Variants in QTRT2 observed in about 807,000 individuals in gnomAD.
QTRT2 encodes the protein queuine tRNA-ribosyltransferase accessory subunit 2, also known as queuine tRNA-ribosyltransferase domain containing 1.
A neutral mutation model predicts 44.8 loss-of-function variants in QTRT2; 32 were observed. The ratio of observed to expected loss-of-function variants is 0.71; its 90% confidence interval spans 0.54 to 0.96. The LOEUF is 0.96. Among genes scored for constraint, QTRT2 ranks in the 40% least tolerant of loss-of-function variants. The pLI, the probability that QTRT2 is intolerant of heterozygous loss-of-function variation, is 0.00. For missense variants in QTRT2, 461 were observed against 503.1 expected, an observed-to-expected ratio of 0.92 and a Z score of 0.80; for synonymous variants, 182 against 187.4, an observed-to-expected ratio of 0.97 and a Z score of 0.24.
At chr3:114,059,737 A>G (rs997955651) in intron 2 of QTRT2, among the ~76,000 whole-genome samples, 1 of 152,188 alleles carries the variant, frequency 6.6e-6, no homozygotes, top group African/African-American at 2.4e-5. Context: ...TTATTTTAAT[A>G]CTTTTTCTTA....
intron 9 of QTRT2, among the ~76,000 whole-genome samples, chr3:114,083,268 T>TTTGTTG (rs944027128): frequency 2.0e-5 from 3 of 150,556 alleles, no homozygotes; most frequent in African/African-American, 4.9e-5. Flanking sequence ...ATTTCTTTTC[T>TTTGTTG]TTGTTGTTGT....
intron 9 of QTRT2, among the ~76,000 whole-genome samples, chr3:114,085,054 C>T (rs1413124141): frequency 6.6e-6 from 1 of 152,156 alleles, no homozygotes; most frequent in Non-Finnish European, 1.5e-5. Context: ...TGTTTCCTAA[C>T]ATTATGTGCT....
intron 2 of QTRT2, 164 bp downstream of exon 2, chr3:114,057,270 C>T: frequency 5.3e-6 from 1 of 187,432 alleles, no homozygotes; most frequent in Non-Finnish European, 1.1e-5. Context: ...CCAGAGACAG[C>T]CCATTTAGGG....
intron 5 of QTRT2, among the ~76,000 whole-genome samples, chr3:114,069,924 C>G (rs1281809981): frequency 6.6e-6 from 1 of 152,048 alleles, no homozygotes; most frequent in Admixed American, 6.6e-5. Flanking sequence ...CTAGACTGTG[C>G]TTTTGGGATA....
At chr3:114,063,955 T>G (rs183662893) in intron 2 of QTRT2, among the ~76,000 whole-genome samples, 1 of 152,248 alleles carries the variant, frequency 6.6e-6, no homozygotes, top group Admixed American at 6.5e-5. Context: ...TGGCTCATGC[T>G]TGTTACCTCA....
chr3:114,058,876 CCA>C (rs2107781521), intron 2 of QTRT2, among the ~76,000 whole-genome samples: 1 of 152,290 alleles, frequency 6.6e-6, no homozygotes, highest in East Asian at 1.9e-4. Flanking sequence ...GCTCAATGCA[CCA>C]CATTGTTTAA....
chr3:114,063,477 G>GC lies in QTRT2; in HGVS notation c.-21-1760_-21-1759insC, dbSNP rs528231630. Among the ~76,000 whole-genome samples, 361 of 152,164 alleles carry GC rather than the reference G, an allele frequency of 2.4e-3. 3 individuals carry two copies. Among genetic ancestry groups the GC allele is most frequent in the African/African-American group, 8.2e-3 (340 of 41,554 alleles). The stretch of plus-strand genomic sequence containing the variant: ...GTTTTAATGTGTAACAATAGGGTAT[G>GC]TAAAAAAATAGCTTTTATACTATTT... On this transcript the variant is annotated intron_variant, in intron 2 of 9. Transcript: ENST00000281273.
At position 114,068,055 on chromosome 3, in the gene QTRT2, A is replaced by G; in HGVS notation, c.325A>G (p.Thr109Ala). ...CAGCCCCTGCCCGGCTGGTTATGTAACAAACAAGGTGTGTTTTCAGAAGGG... is the reference window on the plus strand; with the variant it reads ...CAGCCCCTGCCCGGCTGGTTATGTAGCAAACAAGGTGTGTTTTCAGAAGGG... ...PVSPCPAGYV[T>A]NKSVSVWSVA... Residue 109 changes from threonine to alanine, a missense_variant, in exon 5 of 10, where the codon ACA becomes GCA. Thr to Ala is a moderately conservative substitution (Grantham distance 58, BLOSUM62 0). Transcript: ENST00000281273. The G allele has an allele frequency of 1.2e-6, 2 of 1,613,748 alleles. No homozygotes were observed.
At chr3:114,083,013 G>A (rs1481728626) in intron 9 of QTRT2, 2 of 512,214 alleles carry the variant, frequency 3.9e-6, no homozygotes, top group African/African-American at 1.9e-5. Context: ...GGTAATGATT[G>A]CTTTAGAAAA....
chr3:114,058,461 CT>C (rs2076838314), intron 2 of QTRT2, among the ~76,000 whole-genome samples: 2 of 152,348 alleles, frequency 1.3e-5, no homozygotes, highest in South Asian at 4.1e-4. Flanking sequence ...CTCTTTCCCC[CT>C]ACCAAATGGT....
At chr3:114,061,230 C>T (rs920295964) in intron 2 of QTRT2, among the ~76,000 whole-genome samples, 2 of 152,110 alleles carry the variant, frequency 1.3e-5, no homozygotes, top group African/African-American at 4.8e-5. Context: ...GTATTGCATT[C>T]TATAGGGCAA....
chr3:114,057,202 TGGAGATGG>T, intron 2 of QTRT2, 96 bp downstream of exon 2: 1 of 435,608 alleles, frequency 2.3e-6, no homozygotes, highest in Non-Finnish European at 3.5e-6. Flanking sequence ...TCTGGGGCCA[TGGAGATGG>T]CCCATGGAGC....
chr3:114,082,779 A>G lies in QTRT2; in HGVS notation c.1001A>G (p.Asn334Ser). The change falls in exon 9 of 10, where the codon AAT (asparagine) becomes AGT (serine). Residue 334 changes from asparagine to serine, a missense_variant. Asn to Ser is a conservative substitution (Grantham distance 46). Transcript: ENST00000281273. ...CNQEITSFEI[N>S]LKEKKYQEDF... ...CAAGAAATAACATCATTTGAAATTA[A>G]TCTGAAGGAAAAAAAGTAAGAAATT... The G allele has an allele frequency of 7.0e-7, 1 of 1,435,030 alleles. No homozygotes were observed. The highest frequency in any genetic ancestry group is 9.6e-7 in the Non-Finnish European group (1 of 1,042,884). 88.9% of individuals were successfully genotyped at this position (1,435,030 alleles called of 1,614,324 possible).
chr3:114,087,604 T>C lies in QTRT2; in HGVS notation c.*1700T>C, dbSNP rs1187067915. Reference sequence around the variant, plus strand: ...CGTATGAGCCAGGATGGTCTCGATCTCCTGACCTCATGATCCACAAGACTG... The same window carrying C: ...CGTATGAGCCAGGATGGTCTCGATCCCCTGACCTCATGATCCACAAGACTG... On this transcript the variant is annotated 3_prime_UTR_variant, in exon 10 of 10. Coordinates refer to ENST00000281273, the MANE Select transcript of QTRT2 (RefSeq NM_024638.4). The C allele has an allele frequency of 2.0e-5, 3 of 152,306 alleles. No individual in the cohort carries two copies. Among genetic ancestry groups the C allele is most frequent in the African/African-American group, 7.2e-5 (3 of 41,440 alleles). 9.4% of individuals were successfully genotyped at this position (152,306 alleles called of 1,614,324 possible). A position where few individuals can be genotyped will look rare whatever the true frequency, so the allele number is the denominator to read the frequency against.
rs2076795020 is a variant in QTRT2 at position 114,056,771 on chromosome 3, G to C, written c.-223G>C. The C allele has an allele frequency of 6.7e-7, 1 of 1,499,472 alleles. No individual in the cohort carries two copies. Among genetic ancestry groups the C allele is most frequent in the African/African-American group, 1.4e-5 (1 of 72,278 alleles). 92.9% of individuals were successfully genotyped at this position (1,499,472 alleles called of 1,614,324 possible). On this transcript the variant is annotated 5_prime_UTR_variant, in exon 1 of 10. Coordinates refer to ENST00000281273, the MANE Select transcript of QTRT2 (RefSeq NM_024638.4). ...TGATTGGCTCTGCACTGGAGGCAGT[G>C]ATTTTGGGGCAGAGAATTTTGCAAC...
chr3:114,077,904 G>A (rs942467476), intron 7 of QTRT2: 2 of 151,944 alleles, frequency 1.3e-5, no homozygotes, highest in Middle Eastern at 3.4e-3. Context: ...GTGGAGACGG[G>A]GTTTCTCCTT....
At chr3:114,074,717 G>A (rs888624957) in intron 6 of QTRT2, among the ~76,000 whole-genome samples, 50 of 152,056 alleles carry the variant, frequency 3.3e-4, no homozygotes, top group African/African-American at 1.1e-3. Context: ...GTTGATTTGT[G>A]TATTTTCTTG....
intron 5 of QTRT2, among the ~76,000 whole-genome samples, chr3:114,069,044 ACT>A (rs772955970): frequency 1.5e-4 from 22 of 147,324 alleles, no homozygotes; most frequent in Non-Finnish European, 2.4e-4. Context: ...ATAGAGCGAG[ACT>A]CTGTCTCAAA....
chr3:114,063,259 A>G (rs369614726), intron 2 of QTRT2, among the ~76,000 whole-genome samples: 4 of 152,226 alleles, frequency 2.6e-5, no homozygotes, highest in African/African-American at 7.2e-5. Context: ...TACTTAGATT[A>G]CAAAAGTCTG....
Sources: allele counts gnomAD v4.1 joint callset (sites outside exome capture counted in the v4.1 genomes callset), GRCh38; gene constraint gnomAD v4.1.1; transcripts MANE v1.5; gene names NCBI Gene and HGNC (gene_info 2026-07-23, HGNC 2026-07-21).